The following NTRK3 variants were observed in gnomAD, a reference collection of about 807,000 sequenced individuals.
NTRK3 encodes NT-3 growth factor receptor.
A neutral mutation model predicts 91.7 loss-of-function variants in NTRK3; 24 were observed. The observed-to-expected ratio is 0.26, with a 90% confidence interval of 0.19 to 0.37. The LOEUF (loss-of-function observed/expected upper bound fraction) is 0.37, where lower values mean the gene tolerates loss of function less well. NTRK3 is among the 10% of genes least tolerant of loss of function. The pLI, the probability that NTRK3 is intolerant of heterozygous loss-of-function variation, is 1.00. For synonymous variants in NTRK3, 483 were observed against 404.0 expected (o/e 1.20, Z -2.34); for missense variants, 880 against 1,068.9 (o/e 0.82, Z 2.46).
At chr15:88,184,678 C>T (rs2046808879) in intron 3 of NTRK3, among the ~76,000 whole-genome samples, 1 of 152,200 alleles carries the variant, frequency 6.6e-6, no homozygotes. Flanking sequence ...TAAGGACTGG[C>T]CTTTTTTTTC....
chr15:88,149,336 G>A (rs1313217223), intron 5 of NTRK3, among the ~76,000 whole-genome samples: 3 of 152,084 alleles, frequency 2.0e-5, no homozygotes, highest in East Asian at 1.9e-4. Flanking sequence ...GGAGGAGAAG[G>A]GAAAGAAACA....
intron 13 of NTRK3, among the ~76,000 whole-genome samples, chr15:88,066,814 A>G (rs1429195324): frequency 6.6e-6 from 1 of 152,150 alleles, no homozygotes; most frequent in Non-Finnish European, 1.5e-5. Flanking sequence ...ACCTCCTGAC[A>G]TATGCCCCCA....
At chr15:88,203,776 T>C (rs2048494782) in intron 3 of NTRK3, among the ~76,000 whole-genome samples, 1 of 152,226 alleles carries the variant, frequency 6.6e-6, no homozygotes, top group South Asian at 2.1e-4. Flanking sequence ...TTACACATTA[T>C]ACGAATGTAT....
chr15:88,232,208 T>C (rs1321420716), intron 3 of NTRK3, among the ~76,000 whole-genome samples: 1 of 152,148 alleles, frequency 6.6e-6, no homozygotes, highest in Non-Finnish European at 1.5e-5. Flanking sequence ...GTCCTACCTG[T>C]ACAGCCAGGG....
intron 6 of NTRK3, among the ~76,000 whole-genome samples, chr15:88,142,419 C>G (rs1479793255): frequency 2.0e-5 from 3 of 152,266 alleles, no homozygotes; most frequent in African/African-American, 7.2e-5. Flanking sequence ...TTAACTCAGC[C>G]CCATCTGAGT....
At position 88,047,504 on chromosome 15, in the gene NTRK3, A is replaced by C. The variant is rs1024907418; in HGVS notation, c.1397-14459T>G. 6.6e-5 allele frequency among the ~76,000 whole-genome samples: 10 copies of C among 152,358 alleles called. No individual in the cohort carries two copies. In the South Asian group the frequency reaches 1.7e-3, roughly 25 times the overall value. On this transcript the variant is annotated intron_variant, in intron 13 of 18. Coordinates refer to ENST00000394480, the Ensembl canonical transcript of NTRK3. ...ATTTTGAAATTTTGTGACTTCTCACAATCAGTTTATAGTATTATTCTTGTA... is the reference window on the plus strand; with the variant it reads ...ATTTTGAAATTTTGTGACTTCTCACCATCAGTTTATAGTATTATTCTTGTA...
At chr15:88,232,694 G>A (rs1478946841) in intron 3 of NTRK3, among the ~76,000 whole-genome samples, 1 of 152,190 alleles carries the variant, frequency 6.6e-6, no homozygotes, top group African/African-American at 2.4e-5. Flanking sequence ...AACCAAAGCA[G>A]GCAGTGAGCA....
chr15:88,180,121 G>T (rs984727443), intron 5 of NTRK3, among the ~76,000 whole-genome samples: 2 of 152,140 alleles, frequency 1.3e-5, no homozygotes, highest in African/African-American at 4.8e-5. Context: ...ACTGGGCTGA[G>T]AGCTGTATGT....
intron 14 of NTRK3, among the ~76,000 whole-genome samples, chr15:87,942,709 C>T (rs1053340146): frequency 7.2e-5 from 11 of 152,194 alleles, no homozygotes; most frequent in African/African-American, 2.7e-4. Context: ...AGAAAAACAA[C>T]AACCATGAAA....
chr15:87,932,927 G>A lies in NTRK3; in HGVS notation c.1889+85C>T, dbSNP rs994962230. 3.0e-6 allele frequency: 4 copies of A among 1,312,790 alleles called. 1 individual carries two copies. The South Asian group carries it at 3.6e-5, about 12-fold the overall frequency. The allele number at this position is 1,312,790 out of a possible 1,614,324, so 81.3% of individuals were successfully genotyped here. A position where few individuals can be genotyped will look rare whatever the true frequency, so the allele number is the denominator to read the frequency against. ...TCCTGAGAGGAAAGTGTTTAGAGGG[G>A]GTAGTATAATTTCTGGCTCCAGGGA... On this transcript the variant is annotated intron_variant, in intron 16 of 18. Transcript: ENST00000394480.
At chr15:88,077,693 G>C (rs1047295484) in intron 13 of NTRK3, among the ~76,000 whole-genome samples, 2 of 152,160 alleles carry the variant, frequency 1.3e-5, no homozygotes, top group African/African-American at 4.8e-5. Context: ...ACAAGGATGA[G>C]GCAGCAAGTG....
At chr15:88,122,318 G>A (rs2052803711) in intron 13 of NTRK3, among the ~76,000 whole-genome samples, 1 of 152,158 alleles carries the variant, frequency 6.6e-6, no homozygotes, top group Non-Finnish European at 1.5e-5. Context: ...AGAGGTGGTT[G>A]CTAATTTGGC....
At chr15:88,057,425 G>A (rs541975363) in intron 13 of NTRK3, among the ~76,000 whole-genome samples, 5 of 151,946 alleles carry the variant, frequency 3.3e-5, no homozygotes, top group African/African-American at 9.7e-5. Context: ...TGGAATCTGG[G>A]AGGTGGAGGT....
Position 87,885,911 on chromosome 15 carries a change from T to C in NTRK3, c.2134-5483A>G, listed in dbSNP as rs146584355. 3.2e-3 allele frequency among the ~76,000 whole-genome samples: 481 copies of C among 151,980 alleles called. 1 individual carries two copies. Among genetic ancestry groups the C allele is most frequent in the Admixed American group, 8.2e-3 (125 of 15,254 alleles). On this transcript the variant is annotated intron_variant, in intron 17 of 18. Transcript: ENST00000394480. ...TTCTTTTGCATGGCAAAAGACAACA[T>C]AAGCATAGCTAAAAGACAAATGGCC...
chr15:88,100,433 A>G (rs142054382), intron 13 of NTRK3, among the ~76,000 whole-genome samples: 1 of 152,168 alleles, frequency 6.6e-6, no homozygotes, highest in East Asian at 1.9e-4. Context: ...GCAGCCAGCA[A>G]CTCCCAGTAG....
At chr15:88,129,133 G>A (rs992752966) in intron 10 of NTRK3, among the ~76,000 whole-genome samples, 18 of 152,188 alleles carry the variant, frequency 1.2e-4, no homozygotes, top group Non-Finnish European at 2.2e-4. Context: ...GAAAATGCCA[G>A]GTATGATCTC....
intron 3 of NTRK3, among the ~76,000 whole-genome samples, chr15:88,198,996 C>T (rs2048065788): frequency 6.6e-6 from 1 of 152,166 alleles, no homozygotes; most frequent in Admixed American, 6.5e-5. Context: ...CATCATGGAA[C>T]TAGGGCTGAT....
In NTRK3 at chr15:87,983,595, G is replaced by C. The variant is rs1451812065; in HGVS notation, c.1586-42842C>G. On this transcript the variant is annotated intron_variant, in intron 14 of 18. Transcript: ENST00000394480. ...GATAGTATTAACTCCACTTTACAAG[G>C]GAGAAAACTGTGCCTTTATAATATG... 3.3e-5 allele frequency among the ~76,000 whole-genome samples: 5 copies of C among 152,130 alleles called. No homozygotes were observed. The East Asian group carries it at 9.6e-4, about 29-fold the overall frequency.
At chr15:88,036,287 A>T (rs1380410560) in intron 13 of NTRK3, among the ~76,000 whole-genome samples, 1 of 152,112 alleles carries the variant, frequency 6.6e-6, no homozygotes, top group Admixed American at 6.6e-5. Context: ...TCCAGGCAAG[A>T]GGGATACATT....
Sources: allele counts gnomAD v4.1 joint callset (sites outside exome capture counted in the v4.1 genomes callset), GRCh38; gene constraint gnomAD v4.1.1; transcripts MANE v1.5; gene names NCBI Gene and HGNC (gene_info 2026-07-23, HGNC 2026-07-21).